The following NT5DC4 variants were observed in gnomAD, a reference collection of about 807,000 sequenced individuals.
NT5DC4 encodes the protein 5'-nucleotidase domain containing 4.
NT5DC4 carries 44 observed loss-of-function variants against 26.6 expected under a neutral mutation model. The observed-to-expected ratio is 1.65, with a 90% CI of 1.30 to 2.13. The LOEUF (loss-of-function observed/expected upper bound fraction) is 2.13. NT5DC4 is among the 30% of genes most tolerant of loss of function. The probability of loss-of-function intolerance (pLI) is 0.00; values close to 1 mark genes in which losing one functional copy is unlikely to be tolerated. For synonymous variants in NT5DC4, 157 were observed against 86.7 expected (o/e 1.81, Z -4.51); for missense variants, 399 against 228.1 (o/e 1.75, Z -4.83).
At chr2:112,722,408 G>A (rs1677014828) in intron 4 of NT5DC4, 75 bp from the exon 5 acceptor site, 4 of 714,714 alleles carry the variant, frequency 5.6e-6, no homozygotes, top group Middle Eastern at 2.4e-4. Flanking sequence ...AGGGATGCGT[G>A]GTGGTTGGAA....
chr2:112,723,394 C>CACACACACACAG lies in NT5DC4; in HGVS notation c.622-23_622-22insCACACACACAGA, dbSNP rs752115339. ...ACACACACACACACACACACACACA[C>CACACACACACAG]AGGCACTTTGCTCCCTCCTGCAGGG... On this transcript the variant is annotated intron_variant, in intron 7 of 16. Coordinates refer to ENST00000688554, the MANE Select transcript of NT5DC4 (RefSeq NM_001393655.1). The CACACACACACAG allele has an allele frequency of 1.3e-4, 96 of 716,032 alleles. No individual in the cohort carries two copies. The African/African-American group carries it at 1.5e-3, about 11-fold the overall frequency. 44.4% of individuals were successfully genotyped at this position (716,032 alleles called of 1,614,324 possible). A position where few individuals can be genotyped will look rare whatever the true frequency, so the allele number is the denominator to read the frequency against.
intron 16 of NT5DC4, among the ~76,000 whole-genome samples, chr2:112,735,312 G>A (rs1678993729): frequency 6.6e-6 from 1 of 152,054 alleles, no homozygotes; most frequent in Non-Finnish European, 1.5e-5. Flanking sequence ...CCAAAGTGCT[G>A]GGATTACAGG....
chr2:112,721,710 C>T (rs1179094144), intron 1 of NT5DC4, 108 bp from the exon 2 acceptor site: 1 of 714,930 alleles, frequency 1.4e-6, no homozygotes, highest in Non-Finnish European at 2.6e-6. Flanking sequence ...TCTGCAGCTG[C>T]AGGGGGTGCT....
At position 112,725,243 on chromosome 2, in the gene NT5DC4, ACCAGCT is replaced by A. The variant is rs1677551636; in HGVS notation, c.982+6_982+11del. 1.4e-6 allele frequency: 1 copy of A among 708,950 alleles called. No individual in the cohort carries two copies. Among genetic ancestry groups the A allele is most frequent in the Non-Finnish European group, 2.6e-6 (1 of 378,380 alleles). The allele number at this position is 708,950 out of a possible 1,614,324, so 43.9% of individuals were successfully genotyped here. A position where few individuals can be genotyped will look rare whatever the true frequency, so the allele number is the denominator to read the frequency against. Reference sequence around the variant, plus strand: ...GCACTGTGCTGTCTACTCTGGAGGTACCAGCTCCCACCATGCCCCATCACTCCTTGG... The same window carrying A: ...GCACTGTGCTGTCTACTCTGGAGGTACCCACCATGCCCCATCACTCCTTGG... On this transcript the variant is annotated splice_donor_5th_base_variant and intron_variant, in intron 12 of 16. Transcript: ENST00000688554.
At chr2:112,723,361 G>GCGCA in intron 7 of NT5DC4, 57 bp from the exon 8 acceptor site, 1 of 636,794 alleles carries the variant, frequency 1.6e-6, no homozygotes, top group Admixed American at 2.5e-5. Context: ...GGGTACACAT[G>GCGCA]CACACACACA....
At chr2:112,741,108 T>C, downstream of NT5DC4, 1 of 774,490 alleles carries the variant, frequency 1.3e-6, no homozygotes, top group Non-Finnish European at 2.1e-6. Flanking sequence ...GATTTCCCAG[T>C]GATCTTCATG....
In NT5DC4 at chr2:112,723,244, C is replaced by A. The variant is rs1008388956; in HGVS notation, c.621+70C>A. ...CTTGGTTCCCCGGGCAGCCTTCAGGCCTCCAGTCCCCATAGCGTTTCCATC... is the reference window on the plus strand; with the variant it reads ...CTTGGTTCCCCGGGCAGCCTTCAGGACTCCAGTCCCCATAGCGTTTCCATC... On this transcript the variant is annotated intron_variant, in intron 7 of 16. Coordinates refer to ENST00000688554, the MANE Select transcript of NT5DC4 (RefSeq NM_001393655.1). The A allele has an allele frequency of 4.2e-6, 3 of 716,192 alleles. No homozygotes were observed. The Admixed American group carries it at 6.0e-5, about 14-fold the overall frequency. 44.4% of individuals were successfully genotyped at this position (716,192 alleles called of 1,614,324 possible).
At chr2:112,726,818 C>T (rs1677803234) in intron 15 of NT5DC4, 80 bp downstream of exon 15, 8 of 714,280 alleles carry the variant, frequency 1.1e-5, no homozygotes, top group Non-Finnish European at 1.8e-5. Flanking sequence ...TGCCTGTCGG[C>T]TTTGTCCTCG....
chr2:112,722,616 G>A, intron 5 of NT5DC4, 27 bp downstream of exon 5: 1 of 717,498 alleles, frequency 1.4e-6, no homozygotes, highest in Non-Finnish European at 2.6e-6. Context: ...GGGCACGGGA[G>A]GTGGTCCTGA....
At chr2:112,736,162 C>A (rs992961216) in intron 16 of NT5DC4, among the ~76,000 whole-genome samples, 1 of 151,990 alleles carries the variant, frequency 6.6e-6, no homozygotes, top group African/African-American at 2.4e-5. Flanking sequence ...ACCTGGTCGA[C>A]GGGCTTAGGA....
In NT5DC4 at chr2:112,721,629, C is replaced by A. The variant is rs1302561086; in HGVS notation, c.75-189C>A. ...GCTCACACATGCTTACATGCACACTCACACTTGCCTTCAGACACACATGGG... is the reference window on the plus strand; with the variant it reads ...GCTCACACATGCTTACATGCACACTAACACTTGCCTTCAGACACACATGGG... On this transcript the variant is annotated intron_variant, in intron 1 of 16. Coordinates refer to ENST00000688554, the MANE Select transcript of NT5DC4 (RefSeq NM_001393655.1). 4 of 717,006 alleles carry A rather than the reference C, an allele frequency of 5.6e-6. No homozygotes were observed. The South Asian group carries it at 5.9e-5, about 11-fold the overall frequency. 44.4% of individuals were successfully genotyped at this position (717,006 alleles called of 1,614,324 possible).
rs1009398938 is a variant in NT5DC4, at chr2:112,725,073, C to T, written c.916-101C>T. 11 of 655,726 alleles carry T rather than the reference C, an allele frequency of 1.7e-5. No individual in the cohort carries two copies. The Middle Eastern group carries it at 9.8e-4, about 58-fold the overall frequency. 40.6% of individuals were successfully genotyped at this position (655,726 alleles called of 1,614,324 possible). A position where few individuals can be genotyped will look rare whatever the true frequency, so the allele number is the denominator to read the frequency against. ...CTGCTGCCTCCTTCCTCCCACACCC[C>T]CCATGGTTACCTCTGCCACTCCCAG... On this transcript the variant is annotated intron_variant, in intron 11 of 16. Coordinates refer to ENST00000688554, the MANE Select transcript of NT5DC4 (RefSeq NM_001393655.1).
chr2:112,721,953 A>G, intron 2 of NT5DC4, 33 bp from the exon 3 acceptor site: 1 of 717,254 alleles, frequency 1.4e-6, no homozygotes, highest in South Asian at 1.5e-5. Flanking sequence ...GCAGCTGGGC[A>G]CCAAAGCCCT....
upstream of NT5DC4, among the ~76,000 whole-genome samples, chr2:112,720,677 G>T (rs925081254): frequency 6.6e-6 from 1 of 152,206 alleles, no homozygotes; most frequent in Non-Finnish European, 1.5e-5. Context: ...TGTCAGAATT[G>T]TGCATAAAGC....
intron 16 of NT5DC4, among the ~76,000 whole-genome samples, chr2:112,735,785 C>A (rs555702035): frequency 1.3e-5 from 2 of 152,120 alleles, no homozygotes; most frequent in South Asian, 4.1e-4. Context: ...TTTCCACAAC[C>A]TTTTGTGTCT....
At chr2:112,720,217 G>A (rs578222408), upstream of NT5DC4, among the ~76,000 whole-genome samples, 341 of 40,386 alleles carry the variant, frequency 8.4e-3, 1 homozygote, top group African/African-American at 0.019. Context: ...AGGCTCCCAA[G>A]AGGGCAATTT....
At position 112,725,345 on chromosome 2, in the gene NT5DC4, G is replaced by A. The variant is rs1328231649; in HGVS notation, c.983-37G>A. ...CGAGTCACCTACCCCAAGGCAGGAA[G>A]GGCAAACGAGTGTCTGTCCTCCCCT... On this transcript the variant is annotated intron_variant, in intron 12 of 16. Coordinates refer to ENST00000688554, the MANE Select transcript of NT5DC4 (RefSeq NM_001393655.1). 8.7e-6 allele frequency: 6 copies of A among 690,426 alleles called. No individual in the cohort carries two copies. The East Asian group carries it at 1.6e-4, about 19-fold the overall frequency. The allele number at this position is 690,426 out of a possible 1,614,324, so 42.8% of individuals were successfully genotyped here.
chr2:112,722,784 C>T lies in NT5DC4; in HGVS notation c.527+13C>T, dbSNP rs1677082903. 2 of 717,520 alleles carry T rather than the reference C, an allele frequency of 2.8e-6. No homozygotes were observed. Among genetic ancestry groups the T allele is most frequent in the Non-Finnish European group, 2.6e-6 (1 of 385,100 alleles). 44.4% of individuals were successfully genotyped at this position (717,520 alleles called of 1,614,324 possible). A position where few individuals can be genotyped will look rare whatever the true frequency, so the allele number is the denominator to read the frequency against. Reference sequence around the variant, plus strand: ...CCCGTTACACTAAGTGCGTCTTGTGCCCTGCCCAGCCCTGGGACGACCAGT... The same window carrying T: ...CCCGTTACACTAAGTGCGTCTTGTGTCCTGCCCAGCCCTGGGACGACCAGT... On this transcript the variant is annotated intron_variant, in intron 6 of 16. Coordinates refer to ENST00000688554, the MANE Select transcript of NT5DC4 (RefSeq NM_001393655.1).
intron 15 of NT5DC4, among the ~76,000 whole-genome samples, chr2:112,729,066 C>G (rs1483419074): frequency 6.6e-6 from 1 of 152,228 alleles, no homozygotes; most frequent in Non-Finnish European, 1.5e-5. Flanking sequence ...ACCAACCCCC[C>G]ATCCCCAAAA....
Sources: allele counts gnomAD v4.1 joint callset (sites outside exome capture counted in the v4.1 genomes callset), GRCh38; gene constraint gnomAD v4.1.1; transcripts MANE v1.5; gene names NCBI Gene and HGNC (gene_info 2026-07-23, HGNC 2026-07-21).